TAB2: variants seen among roughly 807,000 people sequenced by gnomAD.
The protein encoded by TAB2 is TGF-beta activated kinase 1 (MAP3K7) binding protein 2.
Under a neutral mutation model 65.0 loss-of-function variants are expected in TAB2, and 3 were observed. The ratio of observed to expected loss-of-function variants is 0.05; its 90% CI spans 0.02 to 0.12. TAB2 has a LOEUF of 0.12. Ranked by LOEUF, TAB2 falls within the 10% of genes least tolerant of loss-of-function variation. The pLI is 1.00. For missense variants in TAB2, 623 were observed against 840.3 expected, an observed-to-expected ratio of 0.74 and a Z score of 3.20; for synonymous variants, 298 against 285.1, an observed-to-expected ratio of 1.05 and a Z score of -0.46.
At chr6:149,396,449 A>T (rs952077967) in intron 3 of TAB2, among the ~76,000 whole-genome samples, 1 of 152,208 alleles carries the variant, frequency 6.6e-6, no homozygotes, top group African/African-American at 2.4e-5. Flanking sequence ...TTTGTATGTA[A>T]TCTACTGTAA....
intron 1 of TAB2, among the ~76,000 whole-genome samples, chr6:149,357,273 G>A (rs1334838502): frequency 1.3e-5 from 2 of 151,802 alleles, no homozygotes; most frequent in East Asian, 1.9e-4. Flanking sequence ...AAAACTAATC[G>A]GGCGTGGTGG....
intron 2 of TAB2, among the ~76,000 whole-genome samples, chr6:149,377,789 G>A (rs1781453342): frequency 6.7e-6 from 1 of 149,540 alleles, no homozygotes; most frequent in Non-Finnish European, 1.5e-5. Flanking sequence ...CTGCTAAAGT[G>A]GAACAATGAT....
intron 1 of TAB2, among the ~76,000 whole-genome samples, chr6:149,297,705 TA>T (rs1270411033): frequency 3.9e-5 from 6 of 152,076 alleles, no homozygotes; most frequent in African/African-American, 1.4e-4. Flanking sequence ...TTTTTGTTTT[TA>T]TTTTTTTGTA....
chr6:149,391,718 T>C (rs1781992503), intron 3 of TAB2, among the ~76,000 whole-genome samples: 1 of 151,994 alleles, frequency 6.6e-6, no homozygotes, highest in South Asian at 2.1e-4. Context: ...ATTTTTTAAT[T>C]TTTTTGTAGA....
intron 1 of TAB2, among the ~76,000 whole-genome samples, chr6:149,283,898 G>T (rs562464557): frequency 6.6e-6 from 1 of 152,158 alleles, no homozygotes; most frequent in East Asian, 1.9e-4. Context: ...TAAAATCAAT[G>T]AGGTGAATAG....
At chr6:149,234,810 G>A (rs373921510) in intron 1 of TAB2, among the ~76,000 whole-genome samples, 1 of 147,928 alleles carries the variant, frequency 6.8e-6, no homozygotes, top group African/African-American at 2.5e-5. Context: ...TCAAAGGCAT[G>A]TGTGCCAGAT....
rs137891378 is a variant in TAB2 at position 149,352,920 on chromosome 6, G to C, written c.-89-16989G>C. 9.2e-5 allele frequency among the ~76,000 whole-genome samples: 14 copies of C among 152,250 alleles called. No homozygotes were observed. The East Asian group carries it at 2.5e-3, about 27-fold the overall frequency. ...CCCTTTTCCTGATGAGGAAAGTTGCGTTTTTGTCCAATATCTTAAATCTTA... is the reference window on the plus strand; with the variant it reads ...CCCTTTTCCTGATGAGGAAAGTTGCCTTTTTGTCCAATATCTTAAATCTTA... On this transcript the variant is annotated intron_variant, in intron 1 of 6. Transcript: ENST00000637181.
At chr6:149,246,688 G>A (rs1777725176) in intron 1 of TAB2, 1 of 152,120 alleles carries the variant, frequency 6.6e-6, no homozygotes, top group Non-Finnish European at 1.5e-5. Flanking sequence ...TTTTGTATGA[G>A]CCTGGGTCTT....
chr6:149,222,906 A>G (rs922580739), intron 1 of TAB2, among the ~76,000 whole-genome samples: 4 of 152,170 alleles, frequency 2.6e-5, no homozygotes, highest in African/African-American at 9.7e-5. Flanking sequence ...TCCATATCAC[A>G]TCTGTTAGGA....
chr6:149,265,333 A>G (rs1778240077), intron 1 of TAB2, among the ~76,000 whole-genome samples: 1 of 152,114 alleles, frequency 6.6e-6, no homozygotes, highest in Non-Finnish European at 1.5e-5. Context: ...GAGGTTAAGG[A>G]TATTTCCATA....
chr6:149,227,887 A>G (rs549852692), intron 1 of TAB2, among the ~76,000 whole-genome samples: 134 of 152,292 alleles, frequency 8.8e-4, no homozygotes, highest in African/African-American at 3.1e-3. Flanking sequence ...TGTGTGTTTG[A>G]AACTCTTCAT....
rs114621895 is a variant in TAB2 at position 149,368,314 on chromosome 6, A to G, written c.-89-1595A>G. Among the ~76,000 whole-genome samples, 1,104 of 152,254 alleles carry G rather than the reference A, an allele frequency of 7.3e-3. 12 individuals are homozygous for G. Among genetic ancestry groups the G allele is most frequent in the African/African-American group, 0.026 (1,065 of 41,558 alleles). On this transcript the variant is annotated intron_variant, in intron 1 of 6. Transcript: ENST00000637181. Reference sequence around the variant, plus strand: ...GACTGAGAACTCACCATTGGGTTTCATAAACTAAAAGTGTATAGTGGCTTT... The same window carrying G: ...GACTGAGAACTCACCATTGGGTTTCGTAAACTAAAAGTGTATAGTGGCTTT...
At chr6:149,374,249 C>T (rs978319263) in intron 2 of TAB2, among the ~76,000 whole-genome samples, 3 of 152,164 alleles carry the variant, frequency 2.0e-5, no homozygotes, top group Non-Finnish European at 4.4e-5. Flanking sequence ...GACTGGGTCT[C>T]GCTCTCACCC....
chr6:149,365,002 C>T (rs965697458), intron 1 of TAB2, among the ~76,000 whole-genome samples: 1 of 151,708 alleles, frequency 6.6e-6, no homozygotes, highest in Non-Finnish European at 1.5e-5. Flanking sequence ...TTTTATAAAC[C>T]GTTCCAATAT....
At chr6:149,390,171 A>G (rs966619804) in intron 3 of TAB2, among the ~76,000 whole-genome samples, 1 of 152,210 alleles carries the variant, frequency 6.6e-6, no homozygotes, top group Non-Finnish European at 1.5e-5. Flanking sequence ...TGTTGTCAAC[A>G]AAGTTACAGC....
chr6:149,253,629 A>AG (rs1180889702), intron 1 of TAB2, among the ~76,000 whole-genome samples: 2 of 148,414 alleles, frequency 1.3e-5, no homozygotes, highest in South Asian at 2.1e-4. Flanking sequence ...AAAAAAAAAA[A>AG]AAAAAAAAAG....
At chr6:149,382,378 A>G (rs145038470) in intron 3 of TAB2, among the ~76,000 whole-genome samples, 59 of 152,188 alleles carry the variant, frequency 3.9e-4, no homozygotes, top group African/African-American at 1.4e-3. Context: ...TGGGTGGATC[A>G]CAAGGTCAGG....
At chr6:149,222,665 A>G (rs1378623503) in intron 1 of TAB2, among the ~76,000 whole-genome samples, 1 of 151,510 alleles carries the variant, frequency 6.6e-6, no homozygotes, top group Admixed American at 6.6e-5. Context: ...TATATGTGCC[A>G]TTGGTTCTGT....
rs543121722 is a variant in TAB2, at chr6:149,241,946, G to A, written c.-121+23170G>A. On this transcript the variant is annotated intron_variant, in intron 1 of 1. Transcript: ENST00000606202. ...CCGTAAGGCTGCTCCTGGGGGCCCC[G>A]AGGTCATCCTTGGCTACTGCGTTCC... 2.0e-4 allele frequency among the ~76,000 whole-genome samples: 30 copies of A among 152,176 alleles called. 1 individual carries two copies. The South Asian group carries it at 3.9e-3, about 20-fold the overall frequency.
Sources: allele counts gnomAD v4.1 joint callset (sites outside exome capture counted in the v4.1 genomes callset), GRCh38; gene constraint gnomAD v4.1.1; transcripts MANE v1.5; gene names NCBI Gene and HGNC (gene_info 2026-07-23, HGNC 2026-07-21).